LIPA: variants seen among roughly 807,000 people sequenced by gnomAD.
The protein encoded by LIPA is lipase A, lysosomal acid type.
LIPA carries 26 observed loss-of-function variants against 40.6 expected under a neutral mutation model. The observed-to-expected ratio is 0.64, with a 90% CI of 0.47 to 0.89. The LOEUF (loss-of-function observed/expected upper bound fraction) is 0.89, where lower values mean the gene tolerates loss of function less well. Among genes scored for constraint, LIPA ranks in the 40% least tolerant of loss-of-function variants. LIPA has a pLI of 0.00. For missense variants in LIPA, 455 were observed against 479.6 expected (o/e 0.95, Z 0.48); for synonymous variants, 188 against 168.4 (o/e 1.12, Z -0.90).
At chr10:89,332,229 A>G (rs1163749102) in intron 1 of LIPA, among the ~76,000 whole-genome samples, 2 of 152,266 alleles carry the variant, frequency 1.3e-5, no homozygotes, top group Non-Finnish European at 2.9e-5. Flanking sequence ...TCAAAGAGCA[A>G]CAGTCATGCA....
chr10:89,278,763 A>C (rs1312315003), intron 1 of LIPA, among the ~76,000 whole-genome samples: 1 of 152,006 alleles, frequency 6.6e-6, no homozygotes, highest in Non-Finnish European at 1.5e-5. Context: ...TAATTATGGA[A>C]GAACACAAAA....
At chr10:89,352,217 T>C (rs1158227232) in intron 2 of LIPA, among the ~76,000 whole-genome samples, 1 of 152,132 alleles carries the variant, frequency 6.6e-6, no homozygotes, top group Non-Finnish European at 1.5e-5. Context: ...AGCTCGCCAG[T>C]TTCACAAGGC....
intron 1 of LIPA, among the ~76,000 whole-genome samples, chr10:89,315,303 T>G (rs992129190): frequency 6.6e-6 from 1 of 152,222 alleles, no homozygotes; most frequent in Admixed American, 6.5e-5. Context: ...TAACAAATTG[T>G]TAAGTTAAAC....
intron 1 of LIPA, among the ~76,000 whole-genome samples, chr10:89,266,304 T>C (rs1369163347): frequency 6.8e-6 from 1 of 146,244 alleles, no homozygotes; most frequent in Non-Finnish European, 1.5e-5. Flanking sequence ...TGTGAATTAA[T>C]GTAAGAAAAT....
chr10:89,339,238 G>GT, intron 1 of LIPA: 1 of 1,614,218 alleles, frequency 6.2e-7, no homozygotes, highest in Non-Finnish European at 8.5e-7. Flanking sequence ...CTCTACTGAT[G>GT]TTTTGAAGCA....
At chr10:89,273,508 A>G (rs1205064981) in intron 1 of LIPA, among the ~76,000 whole-genome samples, 3 of 152,200 alleles carry the variant, frequency 2.0e-5, no homozygotes, top group Non-Finnish European at 2.9e-5. Context: ...TAAAGCATCA[A>G]CAAAGGCTCT....
At chr10:89,346,815 A>G (rs1226447073), upstream of LIPA, among the ~76,000 whole-genome samples, 1 of 152,254 alleles carries the variant, frequency 6.6e-6, no homozygotes, top group Non-Finnish European at 1.5e-5. Flanking sequence ...AGCCATGCGC[A>G]TGATGGCTGA....
intron 2 of LIPA, among the ~76,000 whole-genome samples, chr10:89,372,501 A>C (rs1019513439): frequency 6.6e-6 from 1 of 152,242 alleles, no homozygotes; most frequent in Non-Finnish European, 1.5e-5. Context: ...TTAAAAGCAA[A>C]TTAAGCGCTT....
intron 2 of LIPA, chr10:89,383,242 T>C: frequency 3.9e-6 from 5 of 1,273,526 alleles, no homozygotes; most frequent in Non-Finnish European, 5.5e-6. Context: ...CATATTTGAC[T>C]ATTTGAAGTG....
chr10:89,362,884 C>A, intron 2 of LIPA: 1 of 290,434 alleles, frequency 3.4e-6, no homozygotes, highest in South Asian at 1.0e-4. Flanking sequence ...GGTTTTAACA[C>A]AACAGACAGT....
Position 89,236,656 on chromosome 10 carries a change from TA to T in LIPA, c.230-8259del, listed in dbSNP as rs569956362. Among the ~76,000 whole-genome samples the T allele has an allele frequency of 6.0e-4, 91 of 151,112 alleles. No individual in the cohort carries two copies. In the South Asian group the frequency reaches 0.013, roughly 21 times the overall value. On this transcript the variant is annotated intron_variant, in intron 3 of 9. Transcript: ENST00000336233. ...ATAAATGACACATAAAGATGACTGTTAAAAAAAAAGGGAAAGAAAATTTGTG... is the reference window on the plus strand; with the variant it reads ...ATAAATGACACATAAAGATGACTGTTAAAAAAAAGGGAAAGAAAATTTGTG...
At chr10:89,318,892 A>T (rs201161087) in intron 1 of LIPA, among the ~76,000 whole-genome samples, 1 of 152,208 alleles carries the variant, frequency 6.6e-6, no homozygotes, top group Non-Finnish European at 1.5e-5. Context: ...TCAAACTAGA[A>T]CTCAGGATTA....
At chr10:89,257,089 C>G (rs1843185178) in intron 1 of LIPA, among the ~76,000 whole-genome samples, 3 of 152,186 alleles carry the variant, frequency 2.0e-5, no homozygotes, top group African/African-American at 7.2e-5. Flanking sequence ...ATCAATTGTC[C>G]TTGGCTACGA....
intron 1 of LIPA, among the ~76,000 whole-genome samples, chr10:89,259,481 G>C (rs77389023): frequency 2.0e-5 from 3 of 152,090 alleles, no homozygotes; most frequent in Non-Finnish European, 2.9e-5. Context: ...AATGTAAACT[G>C]GTACAATCAC....
intron 1 of LIPA, among the ~76,000 whole-genome samples, chr10:89,280,798 C>G (rs903429266): frequency 2.0e-5 from 3 of 152,158 alleles, no homozygotes; most frequent in Non-Finnish European, 4.4e-5. Flanking sequence ...CTAAGCTGCT[C>G]CAGTGTTTTT....
At chr10:89,265,201 G>T (rs1279765980) in intron 1 of LIPA, among the ~76,000 whole-genome samples, 1 of 151,752 alleles carries the variant, frequency 6.6e-6, no homozygotes. Context: ...GGGGAAAGGA[G>T]TGGGGTGCAG....
intron 1 of LIPA, among the ~76,000 whole-genome samples, chr10:89,337,893 G>A (rs1442254215): frequency 6.6e-6 from 1 of 152,134 alleles, no homozygotes; most frequent in Non-Finnish European, 1.5e-5. Context: ...CCTTGTGATG[G>A]TACAAAAGTG....
chr10:89,317,996 C>A (rs1843550193), intron 1 of LIPA, among the ~76,000 whole-genome samples: 1 of 152,106 alleles, frequency 6.6e-6, no homozygotes, highest in South Asian at 2.1e-4. Flanking sequence ...GAAATAAAAT[C>A]CTTTACAGAC....
chr10:89,412,797 G>A (rs564092254), exon 2 of LIPA: 51 of 415,862 alleles, frequency 1.2e-4, no homozygotes, highest in African/African-American at 1.0e-3. Flanking sequence ...TCACCAGAAG[G>A]AAGAAACTCC....
Sources: allele counts gnomAD v4.1 joint callset (sites outside exome capture counted in the v4.1 genomes callset), GRCh38; gene constraint gnomAD v4.1.1; transcripts MANE v1.5; gene names NCBI Gene and HGNC (gene_info 2026-07-23, HGNC 2026-07-21).